TMEM222: variants seen among roughly 807,000 people sequenced by gnomAD.
TMEM222 encodes chromosome 1 open reading frame 160.
A neutral mutation model predicts 25.1 loss-of-function variants in TMEM222; 18 were observed. That is an observed-to-expected ratio of 0.72 (90% CI 0.50 to 1.06). The LOEUF (loss-of-function observed/expected upper bound fraction) is 1.06. Ranked by LOEUF, TMEM222 falls within the 50% of genes least tolerant of loss-of-function variation. TMEM222 has a pLI of 0.00. For missense variants in TMEM222, 296 were observed against 293.7 expected, an observed-to-expected ratio of 1.01 and a Z score of -0.06; for synonymous variants, 131 against 117.9, an observed-to-expected ratio of 1.11 and a Z score of -0.72.
chr1:27,326,031 C>T (rs980016137), intron 1 of TMEM222, among the ~76,000 whole-genome samples: 3 of 152,174 alleles, frequency 2.0e-5, no homozygotes, highest in Non-Finnish European at 4.4e-5. Context: ...ATACCCTGTA[C>T]ATATCTTTGC....
chr1:27,335,573 C>T lies in TMEM222; in HGVS notation c.*107C>T. On this transcript the variant is annotated 3_prime_UTR_variant, in exon 6 of 6. Coordinates refer to ENST00000374076, the MANE Select transcript of TMEM222 (RefSeq NM_032125.3). ...ACCCCAAAAGGCAGGGTTGGGCCTG[C>T]TGTTGTGGACCGGGGGTCGGGGCTG... 1.8e-6 allele frequency: 2 copies of T among 1,115,674 alleles called. No individual in the cohort carries two copies. The highest frequency in any genetic ancestry group is 2.7e-5 in the South Asian group (2 of 74,682). The allele number at this position is 1,115,674 out of a possible 1,614,324, so 69.1% of individuals were successfully genotyped here.
intron 5 of TMEM222, chr1:27,334,565 T>C: frequency 6.9e-7 from 1 of 1,442,174 alleles, no homozygotes; most frequent in East Asian, 2.5e-5. Flanking sequence ...CTGTCTCTGG[T>C]GAAATGCAGG....
chr1:27,325,427 G>C (rs2014317887), intron 1 of TMEM222: 1 of 1,176,204 alleles, frequency 8.5e-7, no homozygotes, highest in Non-Finnish European at 1.3e-6. Context: ...TCAGCAACAA[G>C]CGGTTCCAGT....
At chr1:27,324,494 C>G (rs937250589) in intron 1 of TMEM222, among the ~76,000 whole-genome samples, 13 of 152,206 alleles carry the variant, frequency 8.5e-5, no homozygotes, top group Non-Finnish European at 1.5e-4. Flanking sequence ...ACCACAATCC[C>G]TTGTCACCTG....
chr1:27,331,254 G>A, intron 2 of TMEM222: 1 of 778,054 alleles, frequency 1.3e-6, no homozygotes, highest in Non-Finnish European at 1.6e-6. Context: ...TGTTCCCTGG[G>A]GCTGTGACCA....
intron 1 of TMEM222, among the ~76,000 whole-genome samples, chr1:27,328,158 G>C (rs2014397572): frequency 6.6e-6 from 1 of 152,200 alleles, no homozygotes; most frequent in South Asian, 2.1e-4. Flanking sequence ...CACCGTTCAG[G>C]CAAGACCTCC....
At position 27,333,896 on chromosome 1, in the gene TMEM222, G is replaced by A. The variant is rs2014539857; in HGVS notation, c.312-62G>A. ...GGGCACAGGGCAGGCCTCAGAGGACGTGCGTAGAGCTGAGGGCACAAAGGA... is the reference window on the plus strand; with the variant it reads ...GGGCACAGGGCAGGCCTCAGAGGACATGCGTAGAGCTGAGGGCACAAAGGA... On this transcript the variant is annotated intron_variant, in intron 3 of 5. Coordinates refer to ENST00000374076, the MANE Select transcript of TMEM222 (RefSeq NM_032125.3). 2.4e-5 allele frequency: 36 copies of A among 1,479,288 alleles called. No individual in the cohort carries two copies. The East Asian group carries it at 2.6e-4, about 11-fold the overall frequency. The allele number at this position is 1,479,288 out of a possible 1,614,324, so 91.6% of individuals were successfully genotyped here.
rs1295219747 is a variant in TMEM222, at chr1:27,325,769, CT to C, written c.194+3379del. 3 of 838,244 alleles carry C rather than the reference CT, an allele frequency of 3.6e-6. No individual in the cohort carries two copies. The African/African-American group carries it at 5.0e-5, about 14-fold the overall frequency. 51.9% of individuals were successfully genotyped at this position (838,244 alleles called of 1,614,324 possible). A position where few individuals can be genotyped will look rare whatever the true frequency, so the allele number is the denominator to read the frequency against. The stretch of plus-strand genomic sequence containing the variant: ...AGCAGGAGTATGACGAGTCAGGCCC[CT>C]GTATCGTCCACCGCAAATGCTTCTA... On this transcript the variant is annotated intron_variant, in intron 1 of 5. Transcript: ENST00000374076.
chr1:27,322,431 C>A, intron 1 of TMEM222, 40 bp downstream of exon 1: 1 of 1,331,442 alleles, frequency 7.5e-7, no homozygotes, highest in South Asian at 2.0e-5. Context: ...CGAGGAGGGC[C>A]CAGGGAGAGC....
chr1:27,326,170 A>G lies in TMEM222; in HGVS notation c.194+3779A>G, dbSNP rs146987456. Among the ~76,000 whole-genome samples, 17 of 152,264 alleles carry G rather than the reference A, an allele frequency of 1.1e-4. No individual in the cohort carries two copies. The East Asian group carries it at 3.3e-3, about 29-fold the overall frequency. On this transcript the variant is annotated intron_variant, in intron 1 of 5. Coordinates refer to ENST00000374076, the MANE Select transcript of TMEM222 (RefSeq NM_032125.3). ...GATCTTTGCAGGGTATTAATATGTCATGGCTGAGTGTTCTGGGATTTCTCT... is the reference window on the plus strand; with the variant it reads ...GATCTTTGCAGGGTATTAATATGTCGTGGCTGAGTGTTCTGGGATTTCTCT...
In TMEM222 at chr1:27,325,357, C is replaced by T. The variant is rs2014314999; in HGVS notation, c.194+2966C>T. 17 of 866,048 alleles carry T rather than the reference C, an allele frequency of 2.0e-5. 1 individual carries two copies. In the South Asian group the frequency reaches 2.2e-4, roughly 11 times the overall value. 53.6% of individuals were successfully genotyped at this position (866,048 alleles called of 1,614,324 possible). On this transcript the variant is annotated intron_variant, in intron 1 of 5. Coordinates refer to ENST00000374076, the MANE Select transcript of TMEM222 (RefSeq NM_032125.3). ...CTGGACTTCGAGCAGGAGATGGCCA[C>T]TACCACATCCTCCTCCCTGGAGAAG... is the stretch of plus-strand genomic sequence containing the variant.
intron 2 of TMEM222, chr1:27,331,152 G>T (rs560973537): frequency 9.6e-6 from 11 of 1,145,060 alleles, no homozygotes; most frequent in African/African-American, 8.1e-5. Flanking sequence ...GAGTCAAGGT[G>T]GGGGGACACG....
chr1:27,331,004 G>A, intron 2 of TMEM222, 200 bp downstream of exon 2: 3 of 1,465,498 alleles, frequency 2.0e-6, no homozygotes, highest in Non-Finnish European at 2.7e-6. Context: ...GGAGGGCAGT[G>A]TGGCCAGAAG....
chr1:27,325,614 G>A, intron 1 of TMEM222: 1 of 903,148 alleles, frequency 1.1e-6, no homozygotes, highest in South Asian at 1.3e-5. Context: ...GATGCAGAAG[G>A]AGATTAACGC....
At chr1:27,327,886 C>T (rs1041106520) in intron 1 of TMEM222, among the ~76,000 whole-genome samples, 7 of 152,244 alleles carry the variant, frequency 4.6e-5, no homozygotes, top group Non-Finnish European at 8.8e-5. Context: ...TGATTACAGG[C>T]GTGAGCCACA....
chr1:27,324,426 A>G (rs2014290009), intron 1 of TMEM222, among the ~76,000 whole-genome samples: 1 of 152,236 alleles, frequency 6.6e-6, no homozygotes, highest in Admixed American at 6.5e-5. Flanking sequence ...CTTATTCTCA[A>G]AAACACCATC....
intron 1 of TMEM222, among the ~76,000 whole-genome samples, chr1:27,324,891 A>G (rs57922300): frequency 0.12 from 18,408 of 152,148 alleles, 1,281 homozygotes; most frequent in South Asian, 0.17. Context: ...CACCAAAGGG[A>G]TGGTGCTGAA....
chr1:27,334,660 C>T (rs1350535570), intron 5 of TMEM222: 1 of 1,418,954 alleles, frequency 7.0e-7, no homozygotes, highest in African/African-American at 1.4e-5. Context: ...TAATGACTGC[C>T]CCACAGGTCC....
chr1:27,325,305 C>T (rs779295167), intron 1 of TMEM222: 3 of 641,976 alleles, frequency 4.7e-6, no homozygotes, highest in Admixed American at 2.1e-5. Context: ...CATGCAGATT[C>T]GTGAAGCGTT....
Sources: gnomAD v4.1 joint callset for allele counts (sites outside exome capture counted in the v4.1 genomes callset) on GRCh38, gnomAD v4.1.1 for gene constraint, MANE v1.5 for transcripts, NCBI Gene and HGNC (gene_info 2026-07-23, HGNC 2026-07-21) for gene names.